The following ADD3 variants were observed in gnomAD, a reference collection of about 807,000 sequenced individuals.
The protein encoded by ADD3 is gamma-adducin.
A neutral mutation model predicts 80.2 loss-of-function variants in ADD3; 25 were observed. The ratio of observed to expected loss-of-function variants is 0.31; its 90% CI spans 0.23 to 0.44. ADD3 has a LOEUF of 0.44. ADD3 is among the 20% of genes least tolerant of loss of function. ADD3 has a pLI of 1.00. For synonymous variants in ADD3, 284 were observed against 289.6 expected, an observed-to-expected ratio of 0.98 and a Z score of 0.20; for missense variants, 829 against 847.5, an observed-to-expected ratio of 0.98 and a Z score of 0.27.
chr10:110,054,235 AG>A (rs1857864186), intron 1 of ADD3, among the ~76,000 whole-genome samples: 1 of 152,194 alleles, frequency 6.6e-6, no homozygotes, highest in African/African-American at 2.4e-5. Flanking sequence ...TTACTTTTAT[AG>A]TACATTTTCA....
intron 3 of ADD3, among the ~76,000 whole-genome samples, chr10:110,113,643 G>A (rs1590180610): frequency 6.6e-6 from 1 of 152,164 alleles, no homozygotes; most frequent in African/African-American, 2.4e-5. Flanking sequence ...AGTTGGATTT[G>A]GAAGTTTGGG....
chr10:110,005,672 T>C (rs1199798814), upstream of ADD3: 1 of 152,212 alleles, frequency 6.6e-6, no homozygotes, highest in Non-Finnish European at 1.5e-5. Flanking sequence ...TACCCCAATG[T>C]TTGAAATTAG....
rs1564969348 is a variant in ADD3 at position 110,096,183 on chromosome 10, G to T, written c.-29-4442G>T. On this transcript the variant is annotated intron_variant, in intron 1 of 14. Transcript: ENST00000356080. ...TTTTTTTGGAAAAAAACAATACTCA[G>T]TTGGCTCTTTCAGCATTCTACCTAG... is the stretch of plus-strand genomic sequence containing the variant. Among the ~76,000 whole-genome samples, 3 of 152,104 alleles carry T rather than the reference G, an allele frequency of 2.0e-5. No individual in the cohort carries two copies. In the South Asian group the frequency reaches 6.2e-4, roughly 32 times the overall value.
chr10:109,997,780 G>A (rs952497537), intron 1 of ADD3, among the ~76,000 whole-genome samples: 2 of 152,226 alleles, frequency 1.3e-5, no homozygotes, highest in Non-Finnish European at 2.9e-5. Context: ...ATCTAAACTT[G>A]TAGTCCACTG....
At chr10:110,040,388 G>A (rs890025428) in intron 1 of ADD3, among the ~76,000 whole-genome samples, 1 of 152,150 alleles carries the variant, frequency 6.6e-6, no homozygotes, top group Admixed American at 6.5e-5. Context: ...TGAACAGATT[G>A]ACACTGGCAG....
rs1296961964 is a variant in ADD3 at position 110,134,366 on chromosome 10, G to GT, written c.*749dup. ...AAAAAAATTTTGTATGTTGATGTTTGTATACCGTTCAGTATAAAAGTGTCC... is the reference window on the plus strand; with the variant it reads ...AAAAAAATTTTGTATGTTGATGTTTGTTATACCGTTCAGTATAAAAGTGTCC... On this transcript the variant is annotated 3_prime_UTR_variant, in exon 15 of 15. Coordinates refer to ENST00000356080, the MANE Select transcript of ADD3 (RefSeq NM_016824.5). 4 of 151,134 alleles carry GT rather than the reference G, an allele frequency of 2.6e-5. No homozygotes were observed. The highest frequency in any genetic ancestry group is 9.8e-5 in the African/African-American group (4 of 41,018). 9.4% of individuals were successfully genotyped at this position (151,134 alleles called of 1,614,324 possible).
chr10:110,115,117 C>G (rs1025755392), intron 3 of ADD3, among the ~76,000 whole-genome samples: 4 of 149,840 alleles, frequency 2.7e-5, no homozygotes, highest in Non-Finnish European at 5.9e-5. Context: ...GGGCCAGTTG[C>G]AGTGGCTCAG....
At chr10:110,130,684 C>T (rs1017081009) in intron 13 of ADD3, among the ~76,000 whole-genome samples, 198 bp downstream of exon 13, 8 of 151,906 alleles carry the variant, frequency 5.3e-5, no homozygotes, top group Admixed American at 5.2e-4. Context: ...GGTGAAACCC[C>T]GTCTCTATTA....
At chr10:110,042,288 T>C (rs1409535588) in intron 1 of ADD3, among the ~76,000 whole-genome samples, 1 of 152,202 alleles carries the variant, frequency 6.6e-6, no homozygotes, top group African/African-American at 2.4e-5. Context: ...CTATTTTAAA[T>C]ATTCTGTTCT....
intron 1 of ADD3, among the ~76,000 whole-genome samples, chr10:110,040,915 G>C (rs1344550834): frequency 6.7e-6 from 1 of 149,266 alleles, no homozygotes; most frequent in African/African-American, 2.5e-5. Flanking sequence ...GCACGCACGC[G>C]CTCTCTCTCT....
chr10:110,108,561 T>G (rs564350519), intron 2 of ADD3, among the ~76,000 whole-genome samples: 1 of 152,280 alleles, frequency 6.6e-6, no homozygotes, highest in South Asian at 2.1e-4. Flanking sequence ...ACTACCCATC[T>G]CAAAGATAAA....
chr10:110,053,768 A>G (rs1589892224), intron 1 of ADD3, among the ~76,000 whole-genome samples: 1 of 152,210 alleles, frequency 6.6e-6, no homozygotes, highest in Non-Finnish European at 1.5e-5. Context: ...TCCAATTCTC[A>G]TGTACACACT....
chr10:110,025,514 A>G (rs540418846), intron 1 of ADD3, among the ~76,000 whole-genome samples: 5 of 152,092 alleles, frequency 3.3e-5, no homozygotes, highest in Admixed American at 6.6e-5. Context: ...CTTTGTGTAA[A>G]ATCAGACTTT....
At chr10:110,101,400 G>C (rs542083169) in intron 2 of ADD3, among the ~76,000 whole-genome samples, 2 of 152,148 alleles carry the variant, frequency 1.3e-5, no homozygotes, top group South Asian at 2.1e-4. Context: ...TTGGGAAGCC[G>C]AGGCAGGAGG....
chr10:110,124,261 G>A lies in ADD3; in HGVS notation c.1388G>A (p.Arg463Gln), dbSNP rs758788444. 12 of 1,613,740 alleles carry A rather than the reference G, an allele frequency of 7.4e-6. No individual in the cohort carries two copies. Among genetic ancestry groups the A allele is most frequent in the East Asian group, 6.7e-5 (3 of 44,892 alleles). ...TCTCGGAACGGAGAAACCAGTCCCC[G>A]AACCAAAATCACGGTATGCCAGTAT... Reference protein sequence around the residue: ...EESRNGETSPRTKITWMKAED... With the variant: ...EESRNGETSPQTKITWMKAED... Residue 463 changes from arginine (R) to glutamine (Q), a missense_variant, in exon 10 of 15, where the codon CGA (arginine) becomes CAA (glutamine). Coordinates refer to ENST00000356080, the MANE Select transcript of ADD3 (RefSeq NM_016824.5).
intron 1 of ADD3, among the ~76,000 whole-genome samples, chr10:110,060,027 G>T (rs1470598603): frequency 6.6e-6 from 1 of 152,302 alleles, no homozygotes; most frequent in Non-Finnish European, 1.5e-5. Flanking sequence ...TGGTCAAAGG[G>T]TTAATGCATG....
chr10:110,058,797 G>A lies in ADD3; in HGVS notation c.-29-41828G>A, dbSNP rs193145823. On this transcript the variant is annotated intron_variant, in intron 1 of 14. Coordinates refer to ENST00000356080, the MANE Select transcript of ADD3 (RefSeq NM_016824.5). ...TGATGTACCTGGGCACCTCTAATCAGCATCTAAGTATCTAGCTCATGATTC... is the reference window on the plus strand; with the variant it reads ...TGATGTACCTGGGCACCTCTAATCAACATCTAAGTATCTAGCTCATGATTC... 1.8e-4 allele frequency among the ~76,000 whole-genome samples: 27 copies of A among 152,216 alleles called. No homozygotes were observed. The East Asian group carries it at 5.2e-3, about 29-fold the overall frequency.
Position 110,030,212 on chromosome 10 carries a change from A to G in ADD3, c.-30+21913A>G, listed in dbSNP as rs368391005. Among the ~76,000 whole-genome samples the G allele has an allele frequency of 3.7e-3, 560 of 151,150 alleles. 5 individuals are homozygous for G. Among genetic ancestry groups the G allele is most frequent in the African/African-American group, 0.013 (527 of 41,422 alleles). ...GTGGCACATGCTTGTAATCCCAGCT[A>G]CTAGGGAGGCTGAGGCAGGAGAATC... On this transcript the variant is annotated intron_variant, in intron 1 of 14. Transcript: ENST00000356080.
intron 5 of ADD3, among the ~76,000 whole-genome samples, chr10:110,118,272 C>A (rs1851036012): frequency 6.6e-6 from 1 of 152,182 alleles, no homozygotes; most frequent in Non-Finnish European, 1.5e-5. Flanking sequence ...CAGACTTGTT[C>A]AGACCTCCGA....
Sources: allele counts gnomAD v4.1 joint callset (sites outside exome capture counted in the v4.1 genomes callset), GRCh38; gene constraint gnomAD v4.1.1; transcripts MANE v1.5; gene names NCBI Gene and HGNC (gene_info 2026-07-23, HGNC 2026-07-21).